Variants in ATG2A observed in about 807,000 individuals in gnomAD.
ATG2A encodes the protein autophagy related 2A.
ATG2A carries 103 observed loss-of-function variants against 214.2 expected under a neutral mutation model. That is an observed-to-expected ratio of 0.48 (90% CI 0.41 to 0.57). The LOEUF is 0.57. Ranked by LOEUF, ATG2A falls within the 20% of genes least tolerant of loss-of-function variation. ATG2A has a pLI of 0.00. For missense variants in ATG2A, 2,312 were observed against 2,613.2 expected (o/e 0.88, Z 2.51); for synonymous variants, 1,160 against 1,142.1 (o/e 1.02, Z -0.32).
chr11:64,899,899 C>T (rs1184031542), intron 31 of ATG2A, among the ~76,000 whole-genome samples: 1 of 150,972 alleles, frequency 6.6e-6, no homozygotes, highest in Non-Finnish European at 1.5e-5. Context: ...TACTCTGTTG[C>T]CCAGGCTGGA....
At chr11:64,910,253 G>C in intron 12 of ATG2A, 58 bp from the exon 13 acceptor site, 4 of 1,518,538 alleles carry the variant, frequency 2.6e-6, no homozygotes, top group Non-Finnish European at 3.5e-6. Context: ...GGGTGGGACA[G>C]GAAGGCCCTC....
intron 37 of ATG2A, 155 bp from the exon 38 acceptor site, chr11:64,897,024 C>CT (rs879757149): frequency 0.04 from 35,086 of 887,738 alleles, 4 homozygotes; most frequent in Non-Finnish European, 0.044. Flanking sequence ...GGACTGTGTC[C>CT]TTTTTTTTTT....
chr11:64,911,731 A>T (rs1944780595), intron 9 of ATG2A, 111 bp downstream of exon 9: 2 of 1,438,988 alleles, frequency 1.4e-6, no homozygotes, highest in Non-Finnish European at 1.9e-6. Context: ...CACAGATGGT[A>T]GATATCCAGG....
rs556663156 is a variant in ATG2A at position 64,905,946 on chromosome 11, C to T, written c.3265-98G>A. 1.9e-4 allele frequency: 268 copies of T among 1,395,562 alleles called. No individual in the cohort carries two copies. In the East Asian group the frequency reaches 6.5e-3, roughly 34 times the overall value. The allele number at this position is 1,395,562 out of a possible 1,614,324, so 86.4% of individuals were successfully genotyped here. On this transcript the variant is annotated intron_variant, in intron 22 of 40. Coordinates refer to ENST00000377264, the MANE Select transcript of ATG2A (RefSeq NM_015104.3). ...TGGCCCCTGCCTGGCACCTCACCTT[C>T]TGCCCACTAGCTGTCTGCCACACCC...
chr11:64,902,659 G>A lies in ATG2A; in HGVS notation c.3634C>T (p.Arg1212Cys), dbSNP rs367629232. 17 of 1,610,868 alleles carry A rather than the reference G, an allele frequency of 1.1e-5. No individual in the cohort carries two copies. The highest frequency in any genetic ancestry group is 8.9e-5 in the East Asian group (4 of 44,870). The change falls in exon 27 of 41, where the codon CGC (arginine) becomes TGC (cysteine). Residue 1212 changes from arginine to cysteine, a missense_variant. By Grantham distance (180) the Arg-to-Cys change is radical. Transcript: ENST00000377264. The stretch of plus-strand genomic sequence containing the variant: ...ACGTGTACCACATTGTTGGAGCAGC[G>A]CAGCTCGAATAGTGGCTGGCTCTGC... ...GKLSQPLFEL[R>C]CSNNVVHVHS...
In ATG2A at chr11:64,905,543, G is replaced by C; in HGVS notation, c.3464+20C>G. On this transcript the variant is annotated intron_variant, in intron 24 of 40. Coordinates refer to ENST00000377264, the MANE Select transcript of ATG2A (RefSeq NM_015104.3). Reference sequence around the variant, plus strand: ...GGCCCGGCGAGGGTGGGATGGCCCAGTGTGGGGCGGCCTGCATACCTGAGC... The same window carrying C: ...GGCCCGGCGAGGGTGGGATGGCCCACTGTGGGGCGGCCTGCATACCTGAGC... 6.2e-7 allele frequency: 1 copy of C among 1,602,108 alleles called. No homozygotes were observed. The highest frequency in any genetic ancestry group is 1.1e-5 in the South Asian group (1 of 89,298).
In ATG2A at chr11:64,913,866, G is replaced by A. The variant is rs773297925; in HGVS notation, c.545C>T (p.Pro182Leu). The A allele has an allele frequency of 3.7e-5, 60 of 1,613,926 alleles. No individual in the cohort carries two copies. Among genetic ancestry groups the A allele is most frequent in the Admixed American group, 5.0e-5 (3 of 60,028 alleles). Reference protein sequence around the residue: ...LDTVVRVEHSPGDGERGVAVE... With the variant: ...LDTVVRVEHSLGDGERGVAVE... Reference sequence around the variant, plus strand: ...GGCCACACCACGTTCCCCATCACCCGGAGAGTGCTCCACCCTCACGACAGT... The same window carrying A: ...GGCCACACCACGTTCCCCATCACCCAGAGAGTGCTCCACCCTCACGACAGT... Residue 182 changes from proline to leucine, a missense_variant, in exon 4 of 41, where the codon CCG becomes CTG. Pro to Leu is a moderately conservative substitution (Grantham distance 98, BLOSUM62 -3). Coordinates refer to ENST00000377264, the MANE Select transcript of ATG2A (RefSeq NM_015104.3). This position sits in a 1 kb window ranked among gnomAD's most constrained non-coding sequence, Gnocchi z 4.3.
At position 64,895,016 on chromosome 11, in the gene ATG2A, T is replaced by G; in HGVS notation, c.5774A>C (p.Lys1925Thr). Reference protein sequence around the residue: ...MRNQIVPDAHKDHALKWRSDS... With the variant: ...MRNQIVPDAHTDHALKWRSDS... Reference sequence around the variant, plus strand: ...CGAGCGCCACTTGAGGGCGTGGTCCTTGTGGGCGTCGGGGACAATCTGGTT... The same window carrying G: ...CGAGCGCCACTTGAGGGCGTGGTCCGTGTGGGCGTCGGGGACAATCTGGTT... The change falls in exon 41 of 41, where the codon AAG becomes ACG. Residue 1925 changes from lysine (K) to threonine (T), a missense_variant. Coordinates refer to ENST00000377264, the MANE Select transcript of ATG2A (RefSeq NM_015104.3). This position sits in a 1 kb window ranked among gnomAD's most constrained non-coding sequence, Gnocchi z 5.0. 1 of 1,613,082 alleles carries G rather than the reference T, an allele frequency of 6.2e-7. No individual in the cohort carries two copies. The highest frequency in any genetic ancestry group is 8.5e-7 in the Non-Finnish European group (1 of 1,179,472).
intron 22 of ATG2A, 32 bp downstream of exon 22, chr11:64,906,081 G>A: frequency 6.4e-7 from 1 of 1,551,590 alleles, no homozygotes; most frequent in Non-Finnish European, 8.7e-7. Context: ...CAGAGTCACT[G>A]GGCCATGTGG....
chr11:64,910,278 A>G (rs1287768811), intron 12 of ATG2A, 83 bp from the exon 13 acceptor site: 1 of 1,498,340 alleles, frequency 6.7e-7, no homozygotes, highest in Admixed American at 2.3e-5. Flanking sequence ...GTAGTGGGAG[A>G]AGAGCTGGGG....
intron 7 of ATG2A, 38 bp from the exon 8 acceptor site, chr11:64,912,287 C>T: frequency 1.3e-6 from 2 of 1,590,642 alleles, no homozygotes; most frequent in South Asian, 1.1e-5. Context: ...CTGGCTGGCC[C>T]TCCCAGCCAC....
chr11:64,914,916 G>A (rs1315396389), intron 1 of ATG2A, among the ~76,000 whole-genome samples: 2 of 150,716 alleles, frequency 1.3e-5, no homozygotes, highest in African/African-American at 2.4e-5. Context: ...TGGGGGGGCC[G>A]TGGGGAAGAC....
intron 37 of ATG2A, 180 bp downstream of exon 37, chr11:64,897,232 G>A: frequency 4.2e-6 from 3 of 715,660 alleles, no homozygotes; most frequent in Non-Finnish European, 6.8e-6. Context: ...TGTTGGTCAG[G>A]CTGGTCTCGA....
chr11:64,906,849 C>A lies in ATG2A; in HGVS notation c.2833-34G>T, dbSNP rs543685053. 8.1e-6 allele frequency: 13 copies of A among 1,597,732 alleles called. No individual in the cohort carries two copies. The East Asian group carries it at 2.7e-4, about 34-fold the overall frequency. ...GGAGCACACAGCCTGGCTTCCCCAG[C>A]TGCACTCAGCAACCCTCAAGCCCTC... On this transcript the variant is annotated intron_variant, in intron 19 of 40. Coordinates refer to ENST00000377264, the MANE Select transcript of ATG2A (RefSeq NM_015104.3).
In ATG2A at chr11:64,917,110, G is replaced by A. The variant is rs1945018487; in HGVS notation, c.26C>T (p.Ser9Leu). Residue 9 changes from serine (S) to leucine (L), a missense_variant, in exon 1 of 41, where the codon TCA (serine) becomes TTA (leucine). Ser to Leu is a moderately radical substitution (Grantham distance 145). Transcript: ENST00000377264. MSRWLWPW[S>L]NCVKERVCRY... is the part of the protein sequence containing the mutation. ...GCAGACCCGCTCTTTCACACAGTTTGACCATGGCCACAGCCATCGTGACAT... is the reference window on the plus strand; with the variant it reads ...GCAGACCCGCTCTTTCACACAGTTTAACCATGGCCACAGCCATCGTGACAT... The A allele has an allele frequency of 6.2e-7, 1 of 1,611,514 alleles. No homozygotes were observed. The highest frequency in any genetic ancestry group is 8.5e-7 in the Non-Finnish European group (1 of 1,179,328).
At chr11:64,897,518 T>G in intron 36 of ATG2A, 24 bp from the exon 37 acceptor site, 1 of 1,586,302 alleles carries the variant, frequency 6.3e-7, no homozygotes, top group Non-Finnish European at 8.6e-7. Context: ...GGGGTCCAGG[T>G]TTACCCAATG....
rs750008738 is a variant in ATG2A at position 64,895,142 on chromosome 11, G to T, written c.5648C>A (p.Thr1883Lys). Reference protein sequence around the residue: ...ASRGHEQKGLTGAVGGVIRQL... With the variant: ...ASRGHEQKGLKGAVGGVIRQL... Reference sequence around the variant, plus strand: ...GCGGATCACGCCCCCCACGGCGCCCGTCAGCCCCTTCTGCTCATGGCCCCG... The same window carrying T: ...GCGGATCACGCCCCCCACGGCGCCCTTCAGCCCCTTCTGCTCATGGCCCCG... The change falls in exon 41 of 41, where the codon ACG (threonine) becomes AAG (lysine). Residue 1883 changes from threonine (T) to lysine (K), a missense_variant. Physicochemically the swap from Thr to Lys is moderately conservative, Grantham distance 78. Coordinates refer to ENST00000377264, the MANE Select transcript of ATG2A (RefSeq NM_015104.3). This position sits in a 1 kb window ranked among gnomAD's most constrained non-coding sequence, Gnocchi z 5.0. The T allele has an allele frequency of 6.2e-7, 1 of 1,613,146 alleles. No individual in the cohort carries two copies. Among genetic ancestry groups the T allele is most frequent in the South Asian group, 1.1e-5 (1 of 91,038 alleles).
intron 30 of ATG2A, 21 bp from the exon 31 acceptor site, chr11:64,900,650 C>A (rs367911405): frequency 1.3e-6 from 2 of 1,575,454 alleles, no homozygotes; most frequent in Non-Finnish European, 1.7e-6. Flanking sequence ...GGACAGGGGC[C>A]AAGCTGACTC....
intron 29 of ATG2A, 123 bp downstream of exon 29, chr11:64,901,839 C>T (rs1446782508): frequency 8.6e-7 from 1 of 1,169,090 alleles, no homozygotes; most frequent in African/African-American, 1.5e-5. Flanking sequence ...TGGCAACCAC[C>T]TCCTGCCTGC....
Sources: gnomAD v4.1 joint callset for allele counts (sites outside exome capture counted in the v4.1 genomes callset) on GRCh38, gnomAD v4.1.1 for gene constraint, Gnocchi (gnomAD v3.1) non-coding constraint, MANE v1.5 for transcripts, NCBI Gene and HGNC (gene_info 2026-07-23, HGNC 2026-07-21) for gene names.